The following KCTD21 variants were observed in gnomAD, a reference collection of about 807,000 sequenced individuals.
The protein encoded by KCTD21 is BTB/POZ domain-containing protein KCTD21.
A neutral mutation model predicts 13.2 loss-of-function variants in KCTD21; 9 were observed. That is an observed-to-expected ratio of 0.68 (90% CI 0.41 to 1.19). KCTD21 has a LOEUF of 1.19. Ranked by LOEUF, KCTD21 falls within the 50% of genes most tolerant of loss-of-function variation. KCTD21 has a pLI of 0.01. For missense variants in KCTD21, 303 were observed against 336.5 expected (o/e 0.90, Z 0.78); for synonymous variants, 142 against 137.4 (o/e 1.03, Z -0.23).
intron 1 of KCTD21, among the ~76,000 whole-genome samples, chr11:78,184,887 G>A (rs908269669): frequency 8.5e-5 from 13 of 152,048 alleles, no homozygotes; most frequent in Middle Eastern, 3.4e-3. Context: ...ACAGGTGCAC[G>A]CTACCACACC....
At chr11:78,187,426 C>A in intron 1 of KCTD21, 2 of 985,336 alleles carry the variant, frequency 2.0e-6, no homozygotes, top group Non-Finnish European at 2.4e-6. Flanking sequence ...GAATGAGCTG[C>A]GCAAAAGGCA....
intron 1 of KCTD21, among the ~76,000 whole-genome samples, chr11:78,178,592 T>C (rs575270007): frequency 1.2e-4 from 19 of 152,316 alleles, no homozygotes; most frequent in African/African-American, 4.6e-4. Flanking sequence ...GTCCCCTATG[T>C]GTTCCCAGAT....
At chr11:78,187,076 C>T in intron 1 of KCTD21, 1 of 985,418 alleles carries the variant, frequency 1.0e-6, no homozygotes, top group Non-Finnish European at 1.2e-6. Flanking sequence ...GAGGTGATTA[C>T]TTGGGAGTAA....
At chr11:78,182,881 C>G (rs536408333) in intron 1 of KCTD21, among the ~76,000 whole-genome samples, 23 of 152,272 alleles carry the variant, frequency 1.5e-4, no homozygotes, top group Admixed American at 2.0e-4. Flanking sequence ...TCCTTTTTTC[C>G]TACATTACTG....
chr11:78,174,314 G>C lies in KCTD21; in HGVS notation c.241C>G (p.Arg81Gly), dbSNP rs151106978. The change falls in exon 2 of 2, where the codon CGC becomes GGC. Residue 81 changes from arginine to glycine, a missense_variant. Physicochemically the swap from Arg to Gly is moderately radical, Grantham distance 125. Coordinates refer to ENST00000340067, the MANE Select transcript of KCTD21 (RefSeq NM_001029859.3). ...PEDFQEMGLL[R>G]READFYQVQP... is the part of the protein sequence containing the mutation. ...ACCTGGTAGAAGTCGGCCTCCCTGCGGAGCAGCCCCATCTCCTGGAAGTCC... is the reference window on the plus strand; with the variant it reads ...ACCTGGTAGAAGTCGGCCTCCCTGCCGAGCAGCCCCATCTCCTGGAAGTCC... The C allele has an allele frequency of 1.9e-6, 3 of 1,614,100 alleles. No individual in the cohort carries two copies. In the South Asian group the frequency reaches 3.3e-5, roughly 18 times the overall value.
intron 1 of KCTD21, among the ~76,000 whole-genome samples, chr11:78,186,431 G>C (rs575831751): frequency 5.1e-4 from 76 of 149,640 alleles, no homozygotes; most frequent in African/African-American, 1.7e-3. Context: ...GAGGCTGTGT[G>C]GGGTAGGGGC....
chr11:78,183,668 A>G (rs551525357), intron 1 of KCTD21, among the ~76,000 whole-genome samples: 3 of 148,410 alleles, frequency 2.0e-5, no homozygotes. Flanking sequence ...ACGGAGTCTC[A>G]CTGTCGCCCA....
chr11:78,178,892 T>G (rs530042700), intron 1 of KCTD21, among the ~76,000 whole-genome samples: 1 of 152,124 alleles, frequency 6.6e-6, no homozygotes, highest in Admixed American at 6.5e-5. Flanking sequence ...ACGCTCCTCT[T>G]TGCAACCCTC....
chr11:78,185,114 T>C (rs1234509906), intron 1 of KCTD21, among the ~76,000 whole-genome samples: 3 of 152,300 alleles, frequency 2.0e-5, no homozygotes, highest in Non-Finnish European at 2.9e-5. Context: ...GGCTATGTAG[T>C]AGAACGCCCT....
At chr11:78,177,162 G>A (rs1862477407) in intron 1 of KCTD21, among the ~76,000 whole-genome samples, 1 of 152,222 alleles carries the variant, frequency 6.6e-6, no homozygotes, top group Non-Finnish European at 1.5e-5. Context: ...ACTGCACTGA[G>A]GCCTCCTTTC....
Position 78,171,583 on chromosome 11 carries a change from C to T in KCTD21, c.*2189G>A, listed in dbSNP as rs970000934. On this transcript the variant is annotated 3_prime_UTR_variant, in exon 2 of 2. Coordinates refer to ENST00000340067, the MANE Select transcript of KCTD21 (RefSeq NM_001029859.3). ...CACAGCTTCTGCTACTTGGTCTAAA[C>T]TAGGTTCTCCATGAGGGGCTCTCCC... The T allele has an allele frequency of 6.6e-6, 1 of 152,432 alleles. No homozygotes were observed. Among genetic ancestry groups the T allele is most frequent in the African/African-American group, 2.4e-5 (1 of 41,456 alleles). The allele number at this position is 152,432 out of a possible 1,614,324, so 9.4% of individuals were successfully genotyped here.
At chr11:78,188,361 GC>G in intron 1 of KCTD21, 1 of 984,732 alleles carries the variant, frequency 1.0e-6, no homozygotes, top group Non-Finnish European at 1.2e-6. Flanking sequence ...TCTCCCAACA[GC>G]CCCGCCCCTC....
chr11:78,184,078 A>G (rs1473940868), intron 1 of KCTD21, among the ~76,000 whole-genome samples: 1 of 152,262 alleles, frequency 6.6e-6, no homozygotes, highest in Non-Finnish European at 1.5e-5. Context: ...TCAGGAACAC[A>G]TAATTATAAC....
At position 78,171,714 on chromosome 11, in the gene KCTD21, T is replaced by A. The variant is rs779756663; in HGVS notation, c.*2058A>T. The A allele has an allele frequency of 6.6e-6, 1 of 152,224 alleles. No homozygotes were observed. The highest frequency in any genetic ancestry group is 1.5e-5 in the Non-Finnish European group (1 of 68,054). 9.4% of individuals were successfully genotyped at this position (152,224 alleles called of 1,614,324 possible). A position where few individuals can be genotyped will look rare whatever the true frequency, so the allele number is the denominator to read the frequency against. On this transcript the variant is annotated 3_prime_UTR_variant, in exon 2 of 2. Coordinates refer to ENST00000340067, the MANE Select transcript of KCTD21 (RefSeq NM_001029859.3). ...TCTGCTATCTGGGTTCAAGCGATTC[T>A]ACTGCCTCAGCCTCCCAAATAGCTG... is the stretch of plus-strand genomic sequence containing the variant.
intron 1 of KCTD21, among the ~76,000 whole-genome samples, chr11:78,186,429 G>A (rs1315932951): frequency 4.7e-5 from 7 of 149,096 alleles, no homozygotes; most frequent in African/African-American, 1.7e-4. Flanking sequence ...GAGAGGCTGT[G>A]TGGGGTAGGG....
intron 1 of KCTD21, among the ~76,000 whole-genome samples, chr11:78,185,654 T>C (rs1862744065): frequency 6.6e-6 from 1 of 151,978 alleles, no homozygotes; most frequent in Non-Finnish European, 1.5e-5. Flanking sequence ...TGCAGTGGCG[T>C]GATCCTGGCT....
rs185944818 is a variant in KCTD21, at chr11:78,171,411, C to A, written c.*2361G>T. On this transcript the variant is annotated 3_prime_UTR_variant, in exon 2 of 2. Coordinates refer to ENST00000340067, the MANE Select transcript of KCTD21 (RefSeq NM_001029859.3). The stretch of plus-strand genomic sequence containing the variant: ...GAGTGACTTGCATAAAGTCACACAG[C>A]ATGTTAGTGGCTTCACTGCTTCTGC... 2 of 152,728 alleles carry A rather than the reference C, an allele frequency of 1.3e-5. No homozygotes were observed. The highest frequency in any genetic ancestry group is 3.9e-4 in the East Asian group (2 of 5,184). 9.5% of individuals were successfully genotyped at this position (152,728 alleles called of 1,614,324 possible). A position where few individuals can be genotyped will look rare whatever the true frequency, so the allele number is the denominator to read the frequency against.
chr11:78,178,696 A>ATT (rs544039384), intron 1 of KCTD21, among the ~76,000 whole-genome samples: 143 of 152,330 alleles, frequency 9.4e-4, no homozygotes, highest in African/African-American at 3.3e-3. Flanking sequence ...TGCTAACTTC[A>ATT]TAAAAGAGAA....
chr11:78,185,006 G>A (rs1345541895), intron 1 of KCTD21, among the ~76,000 whole-genome samples: 1 of 152,140 alleles, frequency 6.6e-6, no homozygotes, highest in African/African-American at 2.4e-5. Context: ...CCAAAGTGCT[G>A]GGGTTATAGA....
Sources: gnomAD v4.1 joint callset for allele counts (sites outside exome capture counted in the v4.1 genomes callset) on GRCh38, gnomAD v4.1.1 for gene constraint, MANE v1.5 for transcripts, NCBI Gene and HGNC (gene_info 2026-07-23, HGNC 2026-07-21) for gene names.